The following RNF180 variants were observed in gnomAD, a reference collection of about 807,000 sequenced individuals.
RNF180 encodes E3 ubiquitin-protein ligase RNF180.
RNF180 carries 38 observed loss-of-function variants against 59.2 expected under a neutral mutation model. The ratio of observed to expected loss-of-function variants is 0.64; its 90% CI spans 0.50 to 0.84. The LOEUF (loss-of-function observed/expected upper bound fraction) is 0.84. Among genes scored for constraint, RNF180 ranks in the 40% least tolerant of loss-of-function variants. The pLI, the probability that RNF180 is intolerant of heterozygous loss-of-function variation, is 0.00. For synonymous variants in RNF180, 262 were observed against 240.3 expected (o/e 1.09, Z -0.84); for missense variants, 705 against 700.9 (o/e 1.01, Z -0.07).
intron 5 of RNF180, among the ~76,000 whole-genome samples, chr5:64,313,081 G>A (rs868175743): frequency 1.3e-5 from 2 of 151,990 alleles, no homozygotes; most frequent in South Asian, 4.2e-4. Flanking sequence ...CTTGGAGATA[G>A]GACCCAAGTC....
intron 1 of RNF180, among the ~76,000 whole-genome samples, chr5:64,174,450 A>T (rs892674239): frequency 6.6e-6 from 1 of 152,166 alleles, no homozygotes; most frequent in Non-Finnish European, 1.5e-5. Context: ...CTCGTTCTTC[A>T]TATACATTCC....
chr5:64,349,135 G>T (rs778674255), intron 7 of RNF180, among the ~76,000 whole-genome samples: 1 of 152,020 alleles, frequency 6.6e-6, no homozygotes, highest in Admixed American at 6.6e-5. Flanking sequence ...TGAACATTTA[G>T]CATACATAAC....
chr5:64,353,208 A>AAT (rs1745885109), intron 7 of RNF180, among the ~76,000 whole-genome samples: 1 of 151,860 alleles, frequency 6.6e-6, no homozygotes, highest in Non-Finnish European at 1.5e-5. Flanking sequence ...ATTCCATATT[A>AAT]ACAGAAGAAA....
intron 5 of RNF180, among the ~76,000 whole-genome samples, chr5:64,280,861 T>C (rs1042984077): frequency 5.3e-5 from 8 of 152,238 alleles, no homozygotes; most frequent in African/African-American, 1.4e-4. Flanking sequence ...TTGATAGAAA[T>C]AGCATTAAAT....
chr5:64,184,330 T>C (rs1298331785), intron 1 of RNF180, among the ~76,000 whole-genome samples: 1 of 152,236 alleles, frequency 6.6e-6, no homozygotes, highest in Non-Finnish European at 1.5e-5. Flanking sequence ...CTTTGAGTGT[T>C]AGTGGGAACA....
At chr5:64,177,190 T>G (rs1750283378) in intron 1 of RNF180, among the ~76,000 whole-genome samples, 1 of 152,148 alleles carries the variant, frequency 6.6e-6, no homozygotes, top group African/African-American at 2.4e-5. Context: ...AATAAAGCTT[T>G]CTCTGCTCAA....
Position 64,178,205 on chromosome 5 carries a change from A to G in RNF180, c.-1+12252A>G, listed in dbSNP as rs1189417920. Among the ~76,000 whole-genome samples, 39 of 147,332 alleles carry G rather than the reference A, an allele frequency of 2.6e-4. 1 individual carries two copies. In the South Asian group the frequency reaches 7.5e-3, roughly 28 times the overall value. On this transcript the variant is annotated intron_variant, in intron 1 of 7. Transcript: ENST00000389100. ...GTGACGGAGCTAGACTCCATCTCAAAAAAAAAAAAAAAAAAAAGAAAAGCC... is the reference window on the plus strand; with the variant it reads ...GTGACGGAGCTAGACTCCATCTCAAGAAAAAAAAAAAAAAAAAGAAAAGCC...
intron 7 of RNF180, among the ~76,000 whole-genome samples, chr5:64,345,599 A>G (rs1745522048): frequency 6.6e-6 from 1 of 152,174 alleles, no homozygotes; most frequent in Admixed American, 6.5e-5. Context: ...ATTTTCCACA[A>G]TGTTCAGATC....
At chr5:64,210,022 C>G (rs1055360006) in intron 2 of RNF180, among the ~76,000 whole-genome samples, 33 of 152,038 alleles carry the variant, frequency 2.2e-4, no homozygotes, top group African/African-American at 8.0e-4. Context: ...CTAGTCATGA[C>G]TGAACTGTTA....
chr5:64,355,379 A>C (rs576175536), intron 7 of RNF180, among the ~76,000 whole-genome samples: 2 of 151,944 alleles, frequency 1.3e-5, no homozygotes, highest in Non-Finnish European at 2.9e-5. Context: ...AAAAACTTGC[A>C]CACTGAAAAC....
At position 64,287,350 on chromosome 5, in the gene RNF180, A is replaced by G. The variant is rs148090192; in HGVS notation, c.1228-37836A>G. On this transcript the variant is annotated intron_variant, in intron 5 of 7. Coordinates refer to ENST00000389100, the MANE Select transcript of RNF180 (RefSeq NM_001113561.2). ...GAAGGAAGGAAAACCCAGCACAAAT[A>G]TAGTTATTATTAATGGTTTACTAAA... Among the ~76,000 whole-genome samples, 1,064 of 152,312 alleles carry G rather than the reference A, an allele frequency of 7.0e-3. 17 individuals are homozygous for G. Among genetic ancestry groups the G allele is most frequent in the Middle Eastern group, 0.024 (7 of 294 alleles).
At chr5:64,302,195 G>A (rs1743193741) in intron 5 of RNF180, among the ~76,000 whole-genome samples, 2 of 151,470 alleles carry the variant, frequency 1.3e-5, no homozygotes, top group South Asian at 4.2e-4. Flanking sequence ...GCTGGAGCAG[G>A]AACAGGATAA....
rs573908548 is a variant in RNF180, at chr5:64,257,009, T to C, written c.1227+39613T>C. Reference sequence around the variant, plus strand: ...CCTGATTTGGCTCTCTGTTTGTCTGTTATTGGTGTATAAGAATGCTTGTGA... The same window carrying C: ...CCTGATTTGGCTCTCTGTTTGTCTGCTATTGGTGTATAAGAATGCTTGTGA... On this transcript the variant is annotated intron_variant, in intron 5 of 7. Transcript: ENST00000389100. 1.1e-4 allele frequency among the ~76,000 whole-genome samples: 16 copies of C among 152,328 alleles called. No homozygotes were observed. The East Asian group carries it at 2.7e-3, about 26-fold the overall frequency.
chr5:64,236,020 T>C (rs994152570), intron 5 of RNF180, among the ~76,000 whole-genome samples: 3 of 152,216 alleles, frequency 2.0e-5, no homozygotes, highest in Non-Finnish European at 2.9e-5. Context: ...AGTAAGGTAC[T>C]GCTATAAAGA....
At chr5:64,320,895 G>A (rs981545251) in intron 5 of RNF180, among the ~76,000 whole-genome samples, 4 of 152,022 alleles carry the variant, frequency 2.6e-5, no homozygotes, top group Admixed American at 6.6e-5. Flanking sequence ...AAAATTAGCC[G>A]GGCGAGGTGG....
At chr5:64,278,749 T>G (rs1021049353) in intron 5 of RNF180, among the ~76,000 whole-genome samples, 2 of 152,190 alleles carry the variant, frequency 1.3e-5, no homozygotes, top group Admixed American at 6.6e-5. Flanking sequence ...TGCCTTTGCC[T>G]GTGTGGCAAA....
chr5:64,178,071 G>A (rs1008578433), intron 1 of RNF180, among the ~76,000 whole-genome samples: 5 of 152,008 alleles, frequency 3.3e-5, no homozygotes, highest in African/African-American at 9.7e-5. Context: ...GGGCATGGTG[G>A]TGTGTGCCTG....
At chr5:64,285,628 G>C (rs781762117) in intron 5 of RNF180, among the ~76,000 whole-genome samples, 2 of 152,262 alleles carry the variant, frequency 1.3e-5, no homozygotes, top group East Asian at 1.9e-4. Flanking sequence ...GAGCACCATG[G>C]TTGGGCATCA....
chr5:64,198,169 T>C (rs948898952), intron 1 of RNF180, among the ~76,000 whole-genome samples: 1 of 152,224 alleles, frequency 6.6e-6, no homozygotes, highest in Non-Finnish European at 1.5e-5. Flanking sequence ...TTTCAACATG[T>C]ACTTAAAAAT....
Sources: gnomAD v4.1 joint callset for allele counts (sites outside exome capture counted in the v4.1 genomes callset) on GRCh38, gnomAD v4.1.1 for gene constraint, MANE v1.5 for transcripts, NCBI Gene and HGNC (gene_info 2026-07-23, HGNC 2026-07-21) for gene names.